Variants in RABGAP1L observed in about 807,000 individuals in gnomAD.
RABGAP1L encodes the protein RAB GTPase activating protein 1 like, also known as rab GTPase-activating protein 1-like.
A neutral mutation model predicts 137.7 loss-of-function variants in RABGAP1L; 63 were observed. That is an observed-to-expected ratio of 0.46 (90% confidence interval 0.37 to 0.56). The LOEUF is 0.56. Among genes scored for constraint, RABGAP1L ranks in the 20% least tolerant of loss-of-function variants. The pLI, the probability that RABGAP1L is intolerant of heterozygous loss-of-function variation, is 0.00. For synonymous variants in RABGAP1L, 431 were observed against 433.7 expected (o/e 0.99, Z 0.08); for missense variants, 1,095 against 1,244.0 (o/e 0.88, Z 1.80).
At chr1:174,333,024 ATGAGCCTGGAGGG>A (rs1488578507) in intron 11 of RABGAP1L, among the ~76,000 whole-genome samples, 2 of 152,354 alleles carry the variant, frequency 1.3e-5, no homozygotes, top group East Asian at 3.9e-4. Context: ...GACAATATGG[ATGAGCCTGGAGGG>A]CATTATGCAA....
intron 15 of RABGAP1L, among the ~76,000 whole-genome samples, chr1:174,684,376 T>C (rs1678306825): frequency 6.6e-6 from 1 of 151,958 alleles, no homozygotes; most frequent in African/African-American, 2.4e-5. Flanking sequence ...TTGACAAAAG[T>C]CACAATATGA....
At chr1:174,544,136 T>A (rs1665763977) in intron 13 of RABGAP1L, among the ~76,000 whole-genome samples, 1 of 152,212 alleles carries the variant, frequency 6.6e-6, no homozygotes, top group Admixed American at 6.5e-5. Flanking sequence ...ATTTGAATGT[T>A]GGCCTGCCTT....
chr1:174,638,020 G>A (rs1400042163), intron 14 of RABGAP1L, among the ~76,000 whole-genome samples: 1 of 152,066 alleles, frequency 6.6e-6, no homozygotes, highest in East Asian at 1.9e-4. Flanking sequence ...CTGATTTTCA[G>A]TAAATGTGCT....
In RABGAP1L at chr1:174,621,547, C is replaced by T. The variant is rs116057561; in HGVS notation, c.1711-15828C>T. 5.3e-3 allele frequency among the ~76,000 whole-genome samples: 808 copies of T among 152,216 alleles called. 10 individuals carry two copies. The highest frequency in any genetic ancestry group is 0.018 in the African/African-American group (760 of 41,514). Reference sequence around the variant, plus strand: ...CAGAACAGAGCCCTCAGAAGTAACACGGCATATCTAAACCATCTGATCTTT... The same window carrying T: ...CAGAACAGAGCCCTCAGAAGTAACATGGCATATCTAAACCATCTGATCTTT... On this transcript the variant is annotated intron_variant, in intron 13 of 25. Transcript: ENST00000681986.
intron 24 of RABGAP1L, among the ~76,000 whole-genome samples, chr1:174,983,788 C>G (rs1175277829): frequency 1.3e-5 from 2 of 151,972 alleles, no homozygotes; most frequent in Non-Finnish European, 2.9e-5. Context: ...CATACAAGAC[C>G]TTGTATTCCA....
intron 6 of RABGAP1L, among the ~76,000 whole-genome samples, chr1:174,252,096 T>C (rs1672761401): frequency 6.6e-6 from 1 of 152,180 alleles, no homozygotes; most frequent in South Asian, 2.1e-4. Flanking sequence ...GGTTTTACCA[T>C]GTTGGCCAGG....
Position 174,327,389 on chromosome 1 carries a change from G to A in RABGAP1L, c.1465+22262G>A, listed in dbSNP as rs150400191. Reference sequence around the variant, plus strand: ...ATATCAAAATATGAAATATGGGAGAGCAATGGAGTTAGTGTTTTTTTTGAA... The same window carrying A: ...ATATCAAAATATGAAATATGGGAGAACAATGGAGTTAGTGTTTTTTTTGAA... On this transcript the variant is annotated intron_variant, in intron 11 of 25. Transcript: ENST00000681986. 1.2e-3 allele frequency among the ~76,000 whole-genome samples: 178 copies of A among 151,944 alleles called. 2 individuals carry two copies. Among genetic ancestry groups the A allele is most frequent in the African/African-American group, 4.1e-3 (170 of 41,470 alleles).
chr1:174,188,895 T>A (rs988965001), intron 1 of RABGAP1L, among the ~76,000 whole-genome samples: 6 of 152,242 alleles, frequency 3.9e-5, no homozygotes, highest in Non-Finnish European at 1.5e-5. Context: ...GAACATTGGC[T>A]ACAACTTAAA....
rs988116368 is a variant in RABGAP1L, at chr1:174,761,814, T to C, written c.2211+9460T>C. Among the ~76,000 whole-genome samples the C allele has an allele frequency of 6.6e-6, 1 of 152,122 alleles. No individual in the cohort carries two copies. Among genetic ancestry groups the C allele is most frequent in the Non-Finnish European group, 1.5e-5 (1 of 68,012 alleles). ...AAGTTCCTCCCACAACACATGGGAA[T>C]TGTGGGAGTTAGAATTCAAGATGAG... On this transcript the variant is annotated intron_variant, in intron 18 of 25. Transcript: ENST00000681986. The surrounding 1 kb of genome is among the most constrained non-coding windows in gnomAD (Gnocchi z 4.0).
At chr1:174,762,807 CTTTTTTTT>C (rs71563260) in intron 18 of RABGAP1L, among the ~76,000 whole-genome samples, 8 of 81,830 alleles carry the variant, frequency 9.8e-5, no homozygotes, top group African/African-American at 3.3e-4. Flanking sequence ...GTCTCCTTTG[CTTTTTTTT>C]TTTTTTTTTT....
At chr1:174,660,370 T>C (rs558311816) in intron 14 of RABGAP1L, among the ~76,000 whole-genome samples, 1 of 152,328 alleles carries the variant, frequency 6.6e-6, no homozygotes, top group South Asian at 2.1e-4. Flanking sequence ...CATATTCTTT[T>C]GCAACCATGG....
At chr1:174,790,517 C>G (rs1365495821) in intron 18 of RABGAP1L, among the ~76,000 whole-genome samples, 1 of 151,708 alleles carries the variant, frequency 6.6e-6, no homozygotes, top group African/African-American at 2.4e-5. Flanking sequence ...GCCAGTAATC[C>G]TAGCTACTCA....
At chr1:174,417,688 A>C (rs746785954) in intron 13 of RABGAP1L, among the ~76,000 whole-genome samples, 1 of 152,198 alleles carries the variant, frequency 6.6e-6, no homozygotes, top group Non-Finnish European at 1.5e-5. Flanking sequence ...TATTCACCTT[A>C]CTGGAAGTAT....
intron 13 of RABGAP1L, among the ~76,000 whole-genome samples, chr1:174,582,930 C>A (rs1668851420): frequency 6.6e-6 from 1 of 152,044 alleles, no homozygotes; most frequent in South Asian, 2.1e-4. Flanking sequence ...CCAAAAATAG[C>A]AATGCAAACT....
intron 11 of RABGAP1L, among the ~76,000 whole-genome samples, chr1:174,317,763 G>A (rs1023002464): frequency 6.6e-6 from 1 of 152,140 alleles, no homozygotes; most frequent in Non-Finnish European, 1.5e-5. Flanking sequence ...ACATTTACTT[G>A]TACATAGCAC....
intron 13 of RABGAP1L, among the ~76,000 whole-genome samples, chr1:174,441,397 T>C (rs1654128225): frequency 6.6e-6 from 1 of 152,156 alleles, no homozygotes; most frequent in South Asian, 2.1e-4. Context: ...GTTCATATTA[T>C]AATCCTATCG....
intron 13 of RABGAP1L, among the ~76,000 whole-genome samples, chr1:174,403,245 G>GTA (rs773385114): frequency 7.0e-4 from 89 of 127,280 alleles, no homozygotes; most frequent in African/African-American, 3.0e-3. Flanking sequence ...GTGTGTGTGT[G>GTA]TGTATATATA....
chr1:174,985,254 G>A (rs553744513), intron 24 of RABGAP1L, among the ~76,000 whole-genome samples: 44 of 152,256 alleles, frequency 2.9e-4, no homozygotes, highest in South Asian at 1.2e-3. Context: ...TTAGCCGGAT[G>A]TGGTGGCATG....
chr1:174,660,005 A>G (rs1049650940), intron 14 of RABGAP1L, among the ~76,000 whole-genome samples: 10 of 152,224 alleles, frequency 6.6e-5, no homozygotes, highest in Non-Finnish European at 1.0e-4. Flanking sequence ...AGGGTTGCCA[A>G]GAAAAACATG....
Sources: gnomAD v4.1 joint callset for allele counts (sites outside exome capture counted in the v4.1 genomes callset) on GRCh38, gnomAD v4.1.1 for gene constraint, Gnocchi (gnomAD v3.1) non-coding constraint, MANE v1.5 for transcripts, NCBI Gene and HGNC (gene_info 2026-07-23, HGNC 2026-07-21) for gene names.